LDB2: variants seen among roughly 807,000 people sequenced by gnomAD.
The protein encoded by LDB2 is LIM domain binding 2, also known as LIM domain-binding protein 2.
Under a neutral mutation model 44.3 loss-of-function variants are expected in LDB2, and 12 were observed. That is an observed-to-expected ratio of 0.27 (90% CI 0.17 to 0.44). The LOEUF is 0.44. Among genes scored for constraint, LDB2 ranks in the 20% least tolerant of loss-of-function variants. The pLI is 1.00. For missense variants in LDB2, 344 were observed against 473.5 expected, an observed-to-expected ratio of 0.73 and a Z score of 2.54; for synonymous variants, 164 against 174.8, an observed-to-expected ratio of 0.94 and a Z score of 0.49.
At chr4:16,666,129 G>A (rs936235618) in intron 2 of LDB2, among the ~76,000 whole-genome samples, 1 of 152,210 alleles carries the variant, frequency 6.6e-6, no homozygotes, top group Non-Finnish European at 1.5e-5. Flanking sequence ...CTTTGTTATA[G>A]CTGCGACATG....
At chr4:16,542,058 A>G (rs1431669640) in intron 5 of LDB2, among the ~76,000 whole-genome samples, 1 of 134,610 alleles carries the variant, frequency 7.4e-6, no homozygotes, top group Non-Finnish European at 1.6e-5. Flanking sequence ...CGTGCACATA[A>G]CAGCAAATCT....
chr4:16,860,260 T>C (rs898500121), intron 1 of LDB2, among the ~76,000 whole-genome samples: 6 of 152,240 alleles, frequency 3.9e-5, no homozygotes, highest in Non-Finnish European at 8.8e-5. Context: ...ATTTAAATAC[T>C]AATGAGACCT....
chr4:16,822,508 G>GTATTAT (rs1222429454), intron 1 of LDB2, among the ~76,000 whole-genome samples: 2 of 151,952 alleles, frequency 1.3e-5, no homozygotes, highest in South Asian at 4.2e-4. Context: ...ATGTGCTGTT[G>GTATTAT]TATTATTATT....
intron 1 of LDB2, among the ~76,000 whole-genome samples, chr4:16,780,931 C>T (rs968752837): frequency 1.3e-5 from 2 of 152,108 alleles, no homozygotes; most frequent in Non-Finnish European, 2.9e-5. Context: ...ACTTGGACTC[C>T]GGGCTGTTGG....
At chr4:16,557,347 C>T (rs1253022496) in intron 5 of LDB2, among the ~76,000 whole-genome samples, 12 of 152,204 alleles carry the variant, frequency 7.9e-5, no homozygotes, top group African/African-American at 2.9e-4. Flanking sequence ...AAAATCGGGT[C>T]ACTCCCACCC....
chr4:16,513,419 C>T (rs1370458675), intron 5 of LDB2, among the ~76,000 whole-genome samples: 1 of 152,232 alleles, frequency 6.6e-6, no homozygotes, highest in African/African-American at 2.4e-5. Flanking sequence ...ATGAAACCAT[C>T]TGCTTCTAAG....
chr4:16,705,052 GTC>G (rs1754314748), intron 2 of LDB2, among the ~76,000 whole-genome samples: 2 of 152,178 alleles, frequency 1.3e-5, no homozygotes, highest in South Asian at 4.2e-4. Context: ...AGTTCCCCAT[GTC>G]TCTAATAAGA....
At chr4:16,872,144 T>A (rs1281793083) in intron 1 of LDB2, among the ~76,000 whole-genome samples, 1 of 152,088 alleles carries the variant, frequency 6.6e-6, no homozygotes, top group African/African-American at 2.4e-5. Context: ...ACGCTCTTTT[T>A]TTTTAAAGAC....
At chr4:16,795,723 T>C (rs1776608691) in intron 1 of LDB2, among the ~76,000 whole-genome samples, 1 of 152,148 alleles carries the variant, frequency 6.6e-6, no homozygotes, top group Non-Finnish European at 1.5e-5. Context: ...TCCGAATCCC[T>C]TGAGAATGAG....
intron 3 of LDB2, among the ~76,000 whole-genome samples, chr4:16,593,236 C>A (rs758192339): frequency 1.2e-4 from 18 of 152,224 alleles, no homozygotes; most frequent in African/African-American, 4.1e-4. Flanking sequence ...TAGAACACTG[C>A]GATGCTGCCT....
In LDB2 at chr4:16,517,127, G is replaced by T. The variant is rs188421917; in HGVS notation, c.616-5023C>A. Among the ~76,000 whole-genome samples, 85 of 152,256 alleles carry T rather than the reference G, an allele frequency of 5.6e-4. No homozygotes were observed. In the South Asian group the frequency reaches 7.3e-3, roughly 13 times the overall value. ...GTTCCCTTAGTTGCTAGTCAAATCC[G>T]TTGGGAGCTGCCATTCCTACCCTCC... On this transcript the variant is annotated intron_variant, in intron 5 of 7. Coordinates refer to ENST00000304523, the MANE Select transcript of LDB2 (RefSeq NM_001290.5).
At chr4:16,691,469 G>A (rs1180155853) in intron 2 of LDB2, among the ~76,000 whole-genome samples, 1 of 152,170 alleles carries the variant, frequency 6.6e-6, no homozygotes, top group Non-Finnish European at 1.5e-5. Context: ...TTTATATAAT[G>A]CTACTCATTA....
At chr4:16,575,686 C>T (rs1748035802) in intron 5 of LDB2, among the ~76,000 whole-genome samples, 1 of 152,212 alleles carries the variant, frequency 6.6e-6, no homozygotes, top group South Asian at 2.1e-4. Flanking sequence ...GAAAATGAGA[C>T]GATATGCTCC....
At chr4:16,647,973 T>C (rs1437083131) in intron 2 of LDB2, among the ~76,000 whole-genome samples, 4 of 152,226 alleles carry the variant, frequency 2.6e-5, no homozygotes, top group Non-Finnish European at 5.9e-5. Context: ...ATAATGCATC[T>C]CTTTCCCACA....
intron 5 of LDB2, among the ~76,000 whole-genome samples, chr4:16,576,936 A>G (rs1240755138): frequency 6.6e-6 from 1 of 152,234 alleles, no homozygotes; most frequent in Non-Finnish European, 1.5e-5. Flanking sequence ...ACGTATGCAA[A>G]TCAATCAATA....
At chr4:16,586,571 T>G (rs1717073057) in intron 4 of LDB2, among the ~76,000 whole-genome samples, 1 of 141,608 alleles carries the variant, frequency 7.1e-6, no homozygotes, top group Admixed American at 6.9e-5. Context: ...AGAGACAGAA[T>G]TCTCACTCTC....
At chr4:16,686,443 T>C (rs577538232) in intron 2 of LDB2, among the ~76,000 whole-genome samples, 4 of 152,348 alleles carry the variant, frequency 2.6e-5, no homozygotes, top group Admixed American at 2.0e-4. Flanking sequence ...AGACAAAACA[T>C]GCAAGGAAAG....
At chr4:16,522,765 T>C (rs1438839542) in intron 5 of LDB2, among the ~76,000 whole-genome samples, 3 of 152,220 alleles carry the variant, frequency 2.0e-5, no homozygotes, top group Non-Finnish European at 2.9e-5. Flanking sequence ...TCCTGACCAT[T>C]GGGCTATTGC....
At chr4:16,769,043 G>A (rs1051491080) in intron 1 of LDB2, among the ~76,000 whole-genome samples, 9 of 152,102 alleles carry the variant, frequency 5.9e-5, no homozygotes, top group African/African-American at 2.2e-4. Flanking sequence ...TAAAATATCT[G>A]TCTTCTTAGT....
Sources: gnomAD v4.1 joint callset for allele counts (sites outside exome capture counted in the v4.1 genomes callset) on GRCh38, gnomAD v4.1.1 for gene constraint, MANE v1.5 for transcripts, NCBI Gene and HGNC (gene_info 2026-07-23, HGNC 2026-07-21) for gene names.